The following MYO10 variants were observed in gnomAD, a reference collection of about 807,000 sequenced individuals.
The protein encoded by MYO10 is unconventional myosin-X.
Under a neutral mutation model 257.3 loss-of-function variants are expected in MYO10, and 133 were observed. The observed-to-expected ratio is 0.52, with a 90% CI of 0.45 to 0.60. The LOEUF is 0.60. MYO10 is among the 20% of genes least tolerant of loss of function. MYO10 has a pLI of 0.00. For synonymous variants in MYO10, 1,104 were observed against 1,028.6 expected, an observed-to-expected ratio of 1.07 and a Z score of -1.40; for missense variants, 2,399 against 2,635.7, an observed-to-expected ratio of 0.91 and a Z score of 1.97.
At chr5:16,760,599 A>G (rs1336120840) in intron 17 of MYO10, among the ~76,000 whole-genome samples, 1 of 152,190 alleles carries the variant, frequency 6.6e-6, no homozygotes, top group Non-Finnish European at 1.5e-5. Context: ...TGAACGAATA[A>G]ATGAATATGT....
At chr5:16,748,107 T>C (rs893318774) in intron 19 of MYO10, among the ~76,000 whole-genome samples, 5 of 152,162 alleles carry the variant, frequency 3.3e-5, no homozygotes, top group African/African-American at 4.8e-5. Flanking sequence ...TCTCACTGTG[T>C]TGCACAGGCC....
intron 2 of MYO10, among the ~76,000 whole-genome samples, chr5:16,868,529 G>A (rs373336630): frequency 4.1e-4 from 63 of 152,196 alleles, no homozygotes; most frequent in African/African-American, 1.4e-3. Context: ...GCTTGAACCC[G>A]GGAGGCGGAG....
intron 1 of MYO10, among the ~76,000 whole-genome samples, chr5:16,900,741 C>CTGGTT (rs2126783948): frequency 2.2e-5 from 2 of 89,278 alleles, no homozygotes; most frequent in East Asian, 4.5e-4. Flanking sequence ...CTCCCTAAAT[C>CTGGTT]TTGTTTTTTT....
chr5:16,796,413 A>C (rs998280201), intron 3 of MYO10, among the ~76,000 whole-genome samples: 3 of 142,070 alleles, frequency 2.1e-5, no homozygotes, highest in Non-Finnish European at 4.5e-5. Context: ...AAAAGAAAGG[A>C]AAGAAAGGAA....
chr5:16,728,475 C>T (rs556331915), intron 19 of MYO10, among the ~76,000 whole-genome samples: 1 of 151,764 alleles, frequency 6.6e-6, no homozygotes, highest in South Asian at 2.1e-4. Flanking sequence ...AAAAAGGGAA[C>T]CCCTGGATCG....
intron 1 of MYO10, among the ~76,000 whole-genome samples, chr5:16,927,575 C>T (rs192560121): frequency 1.1e-3 from 164 of 152,282 alleles, no homozygotes; most frequent in African/African-American, 3.7e-3. Flanking sequence ...CCTCCTGCCT[C>T]GGCCTCCCAA....
chr5:16,836,240 G>A (rs770781825), intron 2 of MYO10, among the ~76,000 whole-genome samples: 1 of 152,024 alleles, frequency 6.6e-6, no homozygotes, highest in African/African-American at 2.4e-5. Context: ...TTTAGAATGC[G>A]ATGGAATCAA....
At chr5:16,722,738 A>G (rs1739197717) in intron 19 of MYO10, among the ~76,000 whole-genome samples, 1 of 152,232 alleles carries the variant, frequency 6.6e-6, no homozygotes, top group Admixed American at 6.5e-5. Flanking sequence ...TAAAACTCCT[A>G]GATGATAACA....
At chr5:16,680,954 T>C (rs776147358) in intron 32 of MYO10, among the ~76,000 whole-genome samples, 4 of 152,046 alleles carry the variant, frequency 2.6e-5, no homozygotes, top group Admixed American at 6.6e-5. Context: ...GATTGCACCA[T>C]TGCACTCCGG....
chr5:16,715,783 C>T (rs982854164), intron 19 of MYO10, among the ~76,000 whole-genome samples: 1 of 151,972 alleles, frequency 6.6e-6, no homozygotes, highest in South Asian at 2.1e-4. Flanking sequence ...AGGCCAGGCG[C>T]GGTGGCTCAC....
intron 1 of MYO10, among the ~76,000 whole-genome samples, chr5:16,893,262 C>T (rs1745120838): frequency 6.7e-6 from 1 of 149,230 alleles, no homozygotes. Context: ...GATAAGGAGG[C>T]TGAAGAGGAT....
Position 16,679,524 on chromosome 5 carries a change from G to GTTTTTTTTTTTTT in MYO10, c.4542+410_4542+422dup, listed in dbSNP as rs33919452. ...TTAACCAAGCGCTAGTTTTTTGGGT[G>GTTTTTTTTTTTTT]TTTTTTTTTTTTTTTTTTGAGACGA... On this transcript the variant is annotated intron_variant, in intron 33 of 40. Coordinates refer to ENST00000513610, the MANE Select transcript of MYO10 (RefSeq NM_012334.3). Among the ~76,000 whole-genome samples the GTTTTTTTTTTTTT allele has an allele frequency of 6.9e-4, 85 of 122,642 alleles. 2 individuals carry two copies. Among genetic ancestry groups the GTTTTTTTTTTTTT allele is most frequent in the African/African-American group, 2.4e-3 (74 of 31,076 alleles). The allele number at this position is 122,642 out of a possible 152,430, so 80.5% of individuals were successfully genotyped here.
At chr5:16,848,672 C>T (rs773616328) in intron 2 of MYO10, among the ~76,000 whole-genome samples, 8 of 151,290 alleles carry the variant, frequency 5.3e-5, no homozygotes, top group Non-Finnish European at 8.8e-5. Context: ...GATACCTCCC[C>T]GCTACGGATG....
At chr5:16,810,649 C>T (rs1413567392) in intron 3 of MYO10, among the ~76,000 whole-genome samples, 1 of 152,114 alleles carries the variant, frequency 6.6e-6, no homozygotes, top group Non-Finnish European at 1.5e-5. Flanking sequence ...TAAAAATTAG[C>T]CAGGCGTGGT....
rs1743691906 is a variant in MYO10, at chr5:16,848,155, C to CTTCTTTTTTTTTTCT, written c.120+29453_120+29454insAGAAAAAAAAAAGAA. ...TGATTAAGCAAAGAACTACACATTT[C>CTTCTTTTTTTTTTCT]TTTTTTTTTTTTTTTTTTGTGAGAG... On this transcript the variant is annotated intron_variant, in intron 2 of 40. Transcript: ENST00000513610. Among the ~76,000 whole-genome samples the CTTCTTTTTTTTTTCT allele has an allele frequency of 7.0e-5, 8 of 113,568 alleles. No individual in the cohort carries two copies. The South Asian group carries it at 2.2e-3, about 31-fold the overall frequency. 74.5% of individuals were successfully genotyped at this position (113,568 alleles called of 152,430 possible).
At chr5:16,721,543 G>C (rs560206774) in intron 19 of MYO10, among the ~76,000 whole-genome samples, 1 of 152,116 alleles carries the variant, frequency 6.6e-6, no homozygotes, top group Non-Finnish European at 1.5e-5. Context: ...ATTTCCCCTA[G>C]AGAAGAGGCA....
At chr5:16,930,358 A>G (rs1180113176) in intron 1 of MYO10, among the ~76,000 whole-genome samples, 2 of 152,182 alleles carry the variant, frequency 1.3e-5, no homozygotes, top group African/African-American at 4.8e-5. Context: ...GAAAAGAATA[A>G]AGAGAGAGTT....
At chr5:16,731,917 C>T (rs1426443317) in intron 19 of MYO10, among the ~76,000 whole-genome samples, 2 of 151,930 alleles carry the variant, frequency 1.3e-5, no homozygotes, top group Non-Finnish European at 2.9e-5. Context: ...TGCTATGCTG[C>T]CATCAGAAAA....
chr5:16,681,530 T>C (rs1018187653), intron 31 of MYO10, 27 bp from the exon 32 acceptor site: 3 of 1,578,030 alleles, frequency 1.9e-6, no homozygotes, highest in Non-Finnish European at 2.6e-6. Flanking sequence ...AAGTGTAAAT[T>C]AAAATCTGTG....
Sources: gnomAD v4.1 joint callset for allele counts (sites outside exome capture counted in the v4.1 genomes callset) on GRCh38, gnomAD v4.1.1 for gene constraint, MANE v1.5 for transcripts, NCBI Gene and HGNC (gene_info 2026-07-23, HGNC 2026-07-21) for gene names.